Variants in EDIL3 observed in about 807,000 individuals in gnomAD.
The protein encoded by EDIL3 is EGF-like repeat and discoidin I-like domain-containing protein 3.
EDIL3 carries 37 observed loss-of-function variants against 67.4 expected under a neutral mutation model. The observed-to-expected ratio is 0.55, with a 90% confidence interval of 0.42 to 0.72. EDIL3 has a LOEUF of 0.72. Among genes scored for constraint, EDIL3 ranks in the 30% least tolerant of loss-of-function variants. The pLI is 0.00. For missense variants in EDIL3, 527 were observed against 586.3 expected (o/e 0.90, Z 1.04); for synonymous variants, 195 against 196.3 (o/e 0.99, Z 0.05).
At chr5:84,345,190 T>C (rs1055189017) in intron 1 of EDIL3, among the ~76,000 whole-genome samples, 3 of 152,098 alleles carry the variant, frequency 2.0e-5, no homozygotes, top group African/African-American at 7.2e-5. Context: ...TCTGTAATTA[T>C]ATTATCAGGT....
intron 4 of EDIL3, among the ~76,000 whole-genome samples, chr5:84,146,694 A>G (rs939759403): frequency 3.3e-5 from 5 of 152,094 alleles, no homozygotes; most frequent in Admixed American, 3.3e-4. Flanking sequence ...GCTTATGTAA[A>G]AATGAATTTC....
intron 2 of EDIL3, among the ~76,000 whole-genome samples, chr5:84,236,319 T>C (rs182030268): frequency 1.3e-5 from 2 of 152,104 alleles, no homozygotes; most frequent in African/African-American, 4.8e-5. Flanking sequence ...AGAACATAAT[T>C]AGGACAAATT....
intron 10 of EDIL3, among the ~76,000 whole-genome samples, chr5:83,947,050 ATT>A: frequency 6.6e-6 from 1 of 151,932 alleles, no homozygotes; most frequent in East Asian, 1.9e-4. Flanking sequence ...AAACACCAGT[ATT>A]TTATTAAGAT....
intron 10 of EDIL3, among the ~76,000 whole-genome samples, chr5:83,960,711 A>T (rs866472439): frequency 6.6e-6 from 1 of 151,050 alleles, no homozygotes; most frequent in Non-Finnish European, 1.5e-5. Context: ...CAATCACAAA[A>T]ATAGCAAAAC....
chr5:84,253,869 T>C (rs535052298), intron 2 of EDIL3, among the ~76,000 whole-genome samples: 2 of 152,016 alleles, frequency 1.3e-5, no homozygotes, highest in Admixed American at 1.3e-4. Context: ...AAATTTAGTG[T>C]TAATTACTAA....
At chr5:84,168,355 G>A (rs983153521) in intron 4 of EDIL3, among the ~76,000 whole-genome samples, 7 of 151,798 alleles carry the variant, frequency 4.6e-5, no homozygotes, top group South Asian at 2.1e-4. Context: ...CAATTTTATG[G>A]GTCTTTTAAA....
Position 84,060,432 on chromosome 5 carries a change from G to A in EDIL3, c.1005C>T (p.Ile335=). The stretch of plus-strand genomic sequence containing the variant: ...GCGTTCTGAAGATGCTGGAGGCAGT[G>A]ATCTGATAGTCTTGTATATGTCCTG... The part of the protein sequence containing the change: ...MKSGHIQDYQ[I]TASSIFRTLN... Residue 335 remains isoleucine (I), a synonymous_variant, in exon 9 of 11, where the codon ATC becomes ATT. Coordinates refer to ENST00000296591, the MANE Select transcript of EDIL3 (RefSeq NM_005711.5). The A allele has an allele frequency of 6.2e-7, 1 of 1,613,758 alleles. No homozygotes were observed.
In EDIL3 at chr5:84,330,672, A is replaced by T. The variant is rs184918650; in HGVS notation, c.67+53636T>A. Among the ~76,000 whole-genome samples the T allele has an allele frequency of 1.3e-4, 20 of 152,286 alleles. No homozygotes were observed. The East Asian group carries it at 3.1e-3, about 24-fold the overall frequency. On this transcript the variant is annotated intron_variant, in intron 1 of 10. Transcript: ENST00000296591. ...TTGTTTTATTTATAATCCAGCCTGC[A>T]GTTCTGCTTATCTTTTAAGTAGATA...
intron 4 of EDIL3, among the ~76,000 whole-genome samples, chr5:84,177,505 A>C (rs1748941702): frequency 6.6e-6 from 1 of 152,168 alleles, no homozygotes. Context: ...CTGTGACAGT[A>C]CATACATGAT....
intron 1 of EDIL3, among the ~76,000 whole-genome samples, chr5:84,333,065 A>C: frequency 6.6e-6 from 1 of 152,326 alleles, no homozygotes; most frequent in South Asian, 2.1e-4. Context: ...ATAAAATAAG[A>C]GAAAACTTGT....
chr5:84,337,311 G>T (rs140768988), intron 1 of EDIL3, among the ~76,000 whole-genome samples: 2,194 of 152,234 alleles, frequency 0.014, 63 homozygotes, highest in African/African-American at 0.051. Context: ...CTAGGTACAC[G>T]TTGATCTGCT....
intron 1 of EDIL3, among the ~76,000 whole-genome samples, chr5:84,313,043 T>C (rs1013804233): frequency 3.4e-4 from 52 of 152,208 alleles, no homozygotes; most frequent in Non-Finnish European, 6.0e-4. Flanking sequence ...AAGTTACTAA[T>C]AGAAATGGTC....
intron 3 of EDIL3, among the ~76,000 whole-genome samples, chr5:84,209,322 A>T (rs932129313): frequency 1.3e-5 from 2 of 152,104 alleles, no homozygotes; most frequent in Non-Finnish European, 2.9e-5. Flanking sequence ...ACATGTATAC[A>T]TATGTAACTA....
chr5:84,243,394 T>C (rs935048235), intron 2 of EDIL3, among the ~76,000 whole-genome samples: 1 of 152,230 alleles, frequency 6.6e-6, no homozygotes, highest in South Asian at 2.1e-4. Context: ...CTCCAATTTA[T>C]CTATTGCCTG....
At chr5:84,180,348 T>C in intron 4 of EDIL3, 45 bp downstream of exon 4, 2 of 1,533,902 alleles carry the variant, frequency 1.3e-6, no homozygotes, top group Middle Eastern at 3.6e-4. Context: ...CTTGTATACT[T>C]TGTAATCAAT....
intron 1 of EDIL3, among the ~76,000 whole-genome samples, chr5:84,283,726 T>G (rs1745750803): frequency 6.6e-6 from 1 of 152,214 alleles, no homozygotes; most frequent in Non-Finnish European, 1.5e-5. Context: ...ATATATTCCT[T>G]GTGTCCTAGC....
intron 6 of EDIL3, among the ~76,000 whole-genome samples, chr5:84,094,652 T>A (rs573450252): frequency 1.1e-3 from 163 of 152,336 alleles, no homozygotes; most frequent in Admixed American, 2.6e-3. Context: ...AGATGATTAG[T>A]TCTTTTTTTG....
intron 1 of EDIL3, among the ~76,000 whole-genome samples, chr5:84,316,618 T>C (rs1000186317): frequency 6.6e-6 from 1 of 151,946 alleles, no homozygotes; most frequent in African/African-American, 2.4e-5. Context: ...AGCAAGTTCT[T>C]AGAGACCTAC....
intron 1 of EDIL3, among the ~76,000 whole-genome samples, chr5:84,362,645 T>C (rs527761870): frequency 1.3e-5 from 2 of 152,324 alleles, no homozygotes; most frequent in South Asian, 2.1e-4. Context: ...AGTAATTGAC[T>C]GCACAAACAA....
Sources: gnomAD v4.1 joint callset for allele counts (sites outside exome capture counted in the v4.1 genomes callset) on GRCh38, gnomAD v4.1.1 for gene constraint, MANE v1.5 for transcripts, NCBI Gene and HGNC (gene_info 2026-07-23, HGNC 2026-07-21) for gene names.